Variants in CGREF1 observed in about 807,000 individuals in gnomAD.
CGREF1 encodes cell growth regulator with EF hand domain protein 1.
CGREF1 carries 16 observed loss-of-function variants against 17.4 expected under a neutral mutation model. The ratio of observed to expected loss-of-function variants is 0.92; its 90% CI spans 0.62 to 1.40. The LOEUF (loss-of-function observed/expected upper bound fraction) is 1.40. Ranked by LOEUF, CGREF1 falls within the 40% of genes most tolerant of loss-of-function variation. CGREF1 has a pLI of 0.00. For synonymous variants in CGREF1, 142 were observed against 154.6 expected (o/e 0.92, Z 0.61); for missense variants, 296 against 376.4 (o/e 0.79, Z 1.77).
chr2:27,099,481 T>C (rs761476412), downstream of CGREF1: 4 of 1,613,936 alleles, frequency 2.5e-6, no homozygotes, highest in Admixed American at 1.7e-5. Flanking sequence ...TGATGGCAAA[T>C]TGCTCCACTC....
rs1196473392 is a variant in CGREF1, at chr2:27,101,531, C to T, written c.700G>A (p.Asp234Asn). Reference protein sequence around the residue: ...EAEGQAEAKGDAPGPRGEAGG... With the variant: ...EAEGQAEAKGNAPGPRGEAGG... ...GCTTCCCCTCTGGGCCCAGGGGCAT[C>T]TCCTTTAGCCTCTGCCTGGCCCTCA... is the stretch of plus-strand genomic sequence containing the variant. Residue 234 changes from aspartate (D) to asparagine (N), a missense_variant, in exon 6 of 6, where the codon GAT becomes AAT. Physicochemically the swap from Asp to Asn is conservative, Grantham distance 23. This residue lies in a region of CGREF1 where 9 missense variants were observed against 68.4 expected (regional missense o/e 0.13). Coordinates refer to ENST00000402394, the MANE Select transcript of CGREF1 (RefSeq NM_006569.6). The T allele has an allele frequency of 2.5e-6, 4 of 1,608,668 alleles. No individual in the cohort carries two copies. The African/African-American group carries it at 5.4e-5, about 22-fold the overall frequency.
intron 1 of CGREF1, among the ~76,000 whole-genome samples, chr2:27,109,451 A>T (rs1671263999): frequency 6.6e-6 from 1 of 152,192 alleles, no homozygotes; most frequent in East Asian, 1.9e-4. Context: ...AAATCTAAAC[A>T]GACATAGACT....
chr2:27,116,872 T>TCTCTCTCTCTCTCTCTCTCTCTCTCC (rs1671590286), intron 1 of CGREF1, among the ~76,000 whole-genome samples: 1 of 12,800 alleles, frequency 7.8e-5, no homozygotes, highest in Non-Finnish European at 1.4e-4. Context: ...CCAGGCCTAT[T>TCTCTCTCTCTCTCTCTCTCTCTCTCC]CTCTCTCTCT....
chr2:27,103,219 C>T, intron 2 of CGREF1: 1 of 476,182 alleles, frequency 2.1e-6, no homozygotes, highest in Non-Finnish European at 2.7e-6. Flanking sequence ...CGACTTTTGT[C>T]ACAGCTACCA....
intron 1 of CGREF1, among the ~76,000 whole-genome samples, chr2:27,108,618 A>T (rs1249148553): frequency 6.6e-6 from 1 of 152,242 alleles, no homozygotes; most frequent in East Asian, 1.9e-4. Context: ...AAGAAAAAAA[A>T]AATTGTAAAA....
intron 1 of CGREF1, among the ~76,000 whole-genome samples, chr2:27,110,326 T>C (rs993039363): frequency 6.6e-6 from 1 of 152,050 alleles, no homozygotes; most frequent in African/African-American, 2.4e-5. Context: ...CATTTGAACG[T>C]GGGACATTGA....
chr2:27,100,012 T>C (rs1670711905), downstream of CGREF1: 1 of 711,092 alleles, frequency 1.4e-6, no homozygotes, highest in Non-Finnish European at 2.4e-6. Flanking sequence ...TGGGCATTCC[T>C]GAGGCTCTGA....
chr2:27,106,230 A>C (rs1671113365), intron 1 of CGREF1, among the ~76,000 whole-genome samples: 1 of 152,268 alleles, frequency 6.6e-6, no homozygotes, highest in African/African-American at 2.4e-5. Context: ...TTTCAAAAGC[A>C]CTGGGTTGGC....
chr2:27,100,984 CT>C lies in CGREF1; in HGVS notation c.*289del. ...CGGAGCACCGTGAGGCCCAGAAACA[CT>C]GGGCAGGCGGCATCCCTGTCCTTTC... On this transcript the variant is annotated 3_prime_UTR_variant, in exon 6 of 6. Coordinates refer to ENST00000402394, the MANE Select transcript of CGREF1 (RefSeq NM_006569.6). 8.2e-7 allele frequency: 1 copy of C among 1,213,346 alleles called. No individual in the cohort carries two copies. Among genetic ancestry groups the C allele is most frequent in the South Asian group, 2.8e-5 (1 of 35,120 alleles). The allele number at this position is 1,213,346 out of a possible 1,614,324, so 75.2% of individuals were successfully genotyped here. A position where few individuals can be genotyped will look rare whatever the true frequency, so the allele number is the denominator to read the frequency against.
At chr2:27,107,274 A>G (rs1671157676) in intron 1 of CGREF1, among the ~76,000 whole-genome samples, 1 of 33,966 alleles carries the variant, frequency 2.9e-5, no homozygotes, top group Admixed American at 2.4e-4. Flanking sequence ...GTTTTGTTTG[A>G]GAGAGGGTCT....
At chr2:27,100,567 G>GT (rs1670761057), downstream of CGREF1, 1 of 1,286,366 alleles carries the variant, frequency 7.8e-7, no homozygotes, top group African/African-American at 1.5e-5. Flanking sequence ...AGCATATAAT[G>GT]TAAAGGGCTT....
rs553102660 is a variant in CGREF1, at chr2:27,101,747, C to G, written c.484G>C (p.Glu162Gln). The G allele has an allele frequency of 1.2e-6, 2 of 1,614,248 alleles. No homozygotes were observed. The highest frequency in any genetic ancestry group is 2.7e-5 in the African/African-American group (2 of 75,060). ...PGEPLAPSPQEPQAVGRQSLL... is the reference protein window; with the variant it reads ...PGEPLAPSPQQPQAVGRQSLL... The stretch of plus-strand genomic sequence containing the variant: ...GACTGCCTTCCAACAGCTTGTGGCT[C>G]CTGAGGAGATGGAGCAAGGGGCTCT... Residue 162 changes from glutamate to glutamine, a missense_variant, in exon 6 of 6, where the codon GAG becomes CAG. This residue lies in a region of CGREF1 where 247 missense variants were observed against 267.2 expected (regional missense o/e 0.92). Coordinates refer to ENST00000402394, the MANE Select transcript of CGREF1 (RefSeq NM_006569.6).
At chr2:27,107,722 C>T (rs1671181460) in intron 1 of CGREF1, among the ~76,000 whole-genome samples, 1 of 150,696 alleles carries the variant, frequency 6.6e-6, no homozygotes, top group East Asian at 2.0e-4. Flanking sequence ...ATCACGAGGT[C>T]AGGTGATTGA....
rs1228174150 is a variant in CGREF1, at chr2:27,101,487, A to G, written c.744T>C (p.Ala248=). 1 of 1,589,808 alleles carries G rather than the reference A, an allele frequency of 6.3e-7. No individual in the cohort carries two copies. Among genetic ancestry groups the G allele is most frequent in the Non-Finnish European group, 8.5e-7 (1 of 1,173,170 alleles). ...PRGEAGGQAE[A]EGDAPGPRGE... ...CTCTGGGCCCGGGGGCATCTCCTTC[A>G]GCCTCTGCCTGGCCCCCAGCTTCCC... Residue 248 remains alanine, a synonymous_variant, in exon 6 of 6, where the codon GCT becomes GCC. Transcript: ENST00000402394.
At chr2:27,112,066 T>G (rs1402156683) in intron 1 of CGREF1, among the ~76,000 whole-genome samples, 2 of 152,188 alleles carry the variant, frequency 1.3e-5, no homozygotes, top group African/African-American at 4.8e-5. Flanking sequence ...GCCCAGAAGT[T>G]GGAGGCCAGC....
intron 1 of CGREF1, among the ~76,000 whole-genome samples, chr2:27,106,906 C>T (rs1054690417): frequency 3.3e-5 from 5 of 152,358 alleles, no homozygotes; most frequent in Admixed American, 2.6e-4. Context: ...GCATGAACCA[C>T]TGCGCCTGCC....
In CGREF1 at chr2:27,101,158, C is replaced by G; in HGVS notation, c.*116G>C. 1.3e-6 allele frequency: 2 copies of G among 1,483,700 alleles called. No individual in the cohort carries two copies. The highest frequency in any genetic ancestry group is 2.8e-5 in the African/African-American group (2 of 71,352). The allele number at this position is 1,483,700 out of a possible 1,614,324, so 91.9% of individuals were successfully genotyped here. On this transcript the variant is annotated 3_prime_UTR_variant, in exon 6 of 6. Coordinates refer to ENST00000402394, the MANE Select transcript of CGREF1 (RefSeq NM_006569.6). Reference sequence around the variant, plus strand: ...GCTGCACAGAAAGACCTGATACCTACTGGGACCAGGCAGGGGGCACAGAGA... The same window carrying G: ...GCTGCACAGAAAGACCTGATACCTAGTGGGACCAGGCAGGGGGCACAGAGA...
Position 27,101,247 on chromosome 2 carries a change from T to C in CGREF1, c.*27A>G. ...AGGGCTTATGTTCTGGCACTGAGAC[T>C]TCGTGGGGTACCTGTATCTTCAAGA... On this transcript the variant is annotated 3_prime_UTR_variant, in exon 6 of 6. Coordinates refer to ENST00000402394, the MANE Select transcript of CGREF1 (RefSeq NM_006569.6). 3 of 1,524,812 alleles carry C rather than the reference T, an allele frequency of 2.0e-6. No individual in the cohort carries two copies. The highest frequency in any genetic ancestry group is 2.6e-6 in the Non-Finnish European group (3 of 1,136,654). The allele number at this position is 1,524,812 out of a possible 1,614,324, so 94.5% of individuals were successfully genotyped here. A position where few individuals can be genotyped will look rare whatever the true frequency, so the allele number is the denominator to read the frequency against.
At chr2:27,104,506 C>A in intron 1 of CGREF1, 129 bp from the exon 2 acceptor site, 1 of 1,551,404 alleles carries the variant, frequency 6.4e-7, no homozygotes, top group East Asian at 2.4e-5. Flanking sequence ...AGGACTCCTG[C>A]TCAGGGAGGA....
Sources: allele counts gnomAD v4.1 joint callset (sites outside exome capture counted in the v4.1 genomes callset), GRCh38; gene constraint gnomAD v4.1.1; regional missense constraint gnomAD v4.1.1; transcripts MANE v1.5; gene names NCBI Gene and HGNC (gene_info 2026-07-23, HGNC 2026-07-21).